BAG3: variants seen among roughly 807,000 people sequenced by gnomAD.
BAG3 encodes the protein BAG family molecular chaperone regulator 3.
In BAG3, 14 loss-of-function variants were observed where a neutral mutation model predicts 40.5. The ratio of observed to expected loss-of-function variants is 0.35; its 90% CI spans 0.23 to 0.54. The LOEUF is 0.54. BAG3 is among the 20% of genes least tolerant of loss of function. BAG3 has a pLI of 0.91. For synonymous variants in BAG3, 302 were observed against 307.8 expected, an observed-to-expected ratio of 0.98 and a Z score of 0.20; for missense variants, 788 against 758.6, an observed-to-expected ratio of 1.04 and a Z score of -0.46.
intron 1 of BAG3, among the ~76,000 whole-genome samples, chr10:119,659,315 G>C (rs1846960386): frequency 6.6e-6 from 1 of 152,224 alleles, no homozygotes; most frequent in Admixed American, 6.5e-5. Context: ...TCCTCAAGGG[G>C]AGGGTCTCCC....
intron 1 of BAG3, among the ~76,000 whole-genome samples, chr10:119,663,693 G>A (rs1333708801): frequency 6.6e-6 from 1 of 152,152 alleles, no homozygotes; most frequent in Non-Finnish European, 1.5e-5. Context: ...GTAGTTAGGA[G>A]TAGTCGTTTT....
intron 3 of BAG3, among the ~76,000 whole-genome samples, chr10:119,675,860 T>C (rs1457372117): frequency 2.8e-5 from 1 of 35,590 alleles, no homozygotes; most frequent in Non-Finnish European, 5.3e-5. Flanking sequence ...CCTGCCCCCT[T>C]CCCCCTTGCC....
At chr10:119,675,778 TCCCCCTCCCTTCCCCCCTTCCCCTTCCCC>T (rs1847212623) in intron 3 of BAG3, among the ~76,000 whole-genome samples, 125 of 61,502 alleles carry the variant, frequency 2.0e-3, no homozygotes, top group East Asian at 3.1e-3. Context: ...CCTCCTTCCC[TCCCCCTCCCTTCCCCCCTTCCCCTTCCCC>T]CCTTCCCTGC....
Position 119,670,743 on chromosome 10 carries a change from A to T in BAG3, c.507+566A>T, listed in dbSNP as rs375919771. 7.2e-5 allele frequency among the ~76,000 whole-genome samples: 11 copies of T among 152,326 alleles called. 2 individuals are homozygous for T. Among genetic ancestry groups the T allele is most frequent in the African/African-American group, 2.6e-4 (11 of 41,570 alleles). Reference sequence around the variant, plus strand: ...GCAGCTGCTTTAAGACAGCATTTTAATCCTGAAGCCAAACATCTCAGGGAT... The same window carrying T: ...GCAGCTGCTTTAAGACAGCATTTTATTCCTGAAGCCAAACATCTCAGGGAT... On this transcript the variant is annotated intron_variant, in intron 2 of 3. Coordinates refer to ENST00000369085, the MANE Select transcript of BAG3 (RefSeq NM_004281.4).
At chr10:119,671,668 C>T (rs1847152117) in intron 2 of BAG3, among the ~76,000 whole-genome samples, 1 of 152,228 alleles carries the variant, frequency 6.6e-6, no homozygotes, top group Non-Finnish European at 1.5e-5. Context: ...GGGAGGGGCA[C>T]TCTTCCTATA....
intron 1 of BAG3, among the ~76,000 whole-genome samples, chr10:119,665,141 T>TTTTTTTTTTCC (rs770421648): frequency 2.2e-4 from 19 of 85,910 alleles, no homozygotes; most frequent in African/African-American, 6.8e-4. Context: ...TATATATATA[T>TTTTTTTTTTCC]ATATTTTTTT....
rs762739256 is a variant in BAG3 at position 119,669,974 on chromosome 10, G to A, written c.304G>A (p.Gly102Ser). The part of the protein sequence containing the change: ...GYIPIPVLHE[G>S]AENRQVHPFH... ...CATTCCCATTCCTGTGCTCCATGAA[G>A]GCGCTGAGAACCGGCAGGTGCACCC... is the stretch of plus-strand genomic sequence containing the variant. The change falls in exon 2 of 4, where the codon GGC becomes AGC. Residue 102 changes from glycine (G) to serine (S), a missense_variant. Transcript: ENST00000369085. 1.9e-6 allele frequency: 3 copies of A among 1,614,228 alleles called. No homozygotes were observed. The highest frequency in any genetic ancestry group is 2.5e-6 in the Non-Finnish European group (3 of 1,180,038).
intron 1 of BAG3, chr10:119,657,383 G>T: frequency 2.8e-6 from 1 of 356,566 alleles, no homozygotes; most frequent in South Asian, 2.1e-5. Flanking sequence ...TTTCTGCTTT[G>T]TCTTGGGGTC....
At chr10:119,667,068 C>T (rs1000124937) in intron 1 of BAG3, among the ~76,000 whole-genome samples, 4 of 152,134 alleles carry the variant, frequency 2.6e-5, no homozygotes, top group Admixed American at 6.5e-5. Flanking sequence ...CCTCTGCCTC[C>T]GGGGTTCAGG....
At chr10:119,659,005 T>C (rs946068538) in intron 1 of BAG3, among the ~76,000 whole-genome samples, 1 of 151,968 alleles carries the variant, frequency 6.6e-6, no homozygotes, top group African/African-American at 2.4e-5. Context: ...AGGCCTGGGG[T>C]CTTGTTTCTT....
chr10:119,676,693 C>G lies in BAG3; in HGVS notation c.1139C>G (p.Pro380Arg). The change falls in exon 4 of 4, where the codon CCT becomes CGT. Residue 380 changes from proline to arginine, a missense_variant. By Grantham distance (103) the Pro-to-Arg change is moderately radical (BLOSUM62 -2). Transcript: ENST00000369085. ...PVPCPPPSPG[P>R]SAVPSSPKSV... ...CCTTGTCCTCCTCCCAGCCCTGGCC[C>G]TTCTGCTGTCCCCTCTTCCCCCAAG... 1 of 1,614,160 alleles carries G rather than the reference C, an allele frequency of 6.2e-7. No homozygotes were observed. Among genetic ancestry groups the G allele is most frequent in the Non-Finnish European group, 8.5e-7 (1 of 1,180,030 alleles).
In BAG3 at chr10:119,672,652, C is replaced by T. The variant is rs201416791; in HGVS notation, c.905C>T (p.Pro302Leu). The change falls in exon 3 of 4, where the codon CCT (proline) becomes CTT (leucine). Residue 302 changes from proline (P) to leucine (L), a missense_variant. Transcript: ENST00000369085. This position sits in a 1 kb window ranked among gnomAD's most constrained non-coding sequence, Gnocchi z 4.8. Reference protein sequence around the residue: ...PIRVHTVVDRPQQPMTHRETA... With the variant: ...PIRVHTVVDRLQQPMTHRETA... ...CGTGTGCACACCGTGGTCGACAGGC[C>T]TCAGGTACGGGAAGTTAGTCGTCAG... The T allele has an allele frequency of 1.9e-6, 3 of 1,613,190 alleles. No individual in the cohort carries two copies. In the East Asian group the frequency reaches 6.7e-5, roughly 36 times the overall value.
In BAG3 at chr10:119,672,978, TCA is replaced by T. The variant is rs1440051602; in HGVS notation, c.909+326_909+327del. 6.6e-6 allele frequency among the ~76,000 whole-genome samples: 1 copy of T among 152,112 alleles called. No homozygotes were observed. Among genetic ancestry groups the T allele is most frequent in the South Asian group, 2.1e-4 (1 of 4,828 alleles). ...GTCCACCACACCCTTTCAGGGCTCT[TCA>T]CACCCCCATCCACACCGCAGCCACA... is the stretch of plus-strand genomic sequence containing the variant. On this transcript the variant is annotated intron_variant, in intron 3 of 3. Coordinates refer to ENST00000369085, the MANE Select transcript of BAG3 (RefSeq NM_004281.4). The surrounding 1 kb of genome is among the most constrained non-coding windows in gnomAD (Gnocchi z 4.8).
Position 119,677,395 on chromosome 10 carries a change from A to G in BAG3, c.*113A>G, listed in dbSNP as rs554678926. Reference sequence around the variant, plus strand: ...GGTTTTTATTAGCTGCTTGGTATGCAGTAACTTGGGTGGAGGCAAAACACT... The same window carrying G: ...GGTTTTTATTAGCTGCTTGGTATGCGGTAACTTGGGTGGAGGCAAAACACT... On this transcript the variant is annotated 3_prime_UTR_variant, in exon 4 of 4. Coordinates refer to ENST00000369085, the MANE Select transcript of BAG3 (RefSeq NM_004281.4). 7.3e-7 allele frequency: 1 copy of G among 1,363,768 alleles called. No homozygotes were observed. The highest frequency in any genetic ancestry group is 1.4e-5 in the African/African-American group (1 of 69,324). The allele number at this position is 1,363,768 out of a possible 1,614,324, so 84.5% of individuals were successfully genotyped here.
chr10:119,677,365 C>T lies in BAG3; in HGVS notation c.*83C>T, dbSNP rs1271816488. On this transcript the variant is annotated 3_prime_UTR_variant, in exon 4 of 4. Coordinates refer to ENST00000369085, the MANE Select transcript of BAG3 (RefSeq NM_004281.4). The stretch of plus-strand genomic sequence containing the variant: ...TGCATGCATTTCAGAGACTTTAAGT[C>T]AGTTGGTTTTTATTAGCTGCTTGGT... 4.5e-6 allele frequency: 7 copies of T among 1,567,806 alleles called. No homozygotes were observed. The highest frequency in any genetic ancestry group is 6.1e-6 in the Non-Finnish European group (7 of 1,148,478).
Position 119,677,187 on chromosome 10 carries a change from C to T in BAG3, c.1633C>T (p.Pro545Ser), listed in dbSNP as rs776485015. The T allele has an allele frequency of 6.2e-7, 1 of 1,614,128 alleles. No homozygotes were observed. The highest frequency in any genetic ancestry group is 1.3e-5 in the African/African-American group (1 of 75,026). The change falls in exon 4 of 4, where the codon CCC becomes TCC. Residue 545 changes from proline to serine, a missense_variant. Coordinates refer to ENST00000369085, the MANE Select transcript of BAG3 (RefSeq NM_004281.4). ...GAAAAATGCTGGAAATGCAGAAGAT[C>T]CCCACACAGAAACCCAGCAGCCAGA... Reference protein sequence around the residue: ...GKKNAGNAEDPHTETQQPEAT... With the variant: ...GKKNAGNAEDSHTETQQPEAT...
At chr10:119,666,423 G>A (rs73351989) in intron 1 of BAG3, among the ~76,000 whole-genome samples, 3,161 of 152,306 alleles carry the variant, frequency 0.021, 106 homozygotes, top group African/African-American at 0.072. Context: ...CTCTGGAAAG[G>A]TTGAATATTG....
intron 1 of BAG3, among the ~76,000 whole-genome samples, chr10:119,652,110 A>C (rs1331386109): frequency 6.6e-5 from 10 of 152,044 alleles, no homozygotes; most frequent in Non-Finnish European, 1.0e-4. Context: ...GCGACCCCGC[A>C]GTGGCTCCGG....
At chr10:119,670,287 AG>A (rs1847131428) in intron 2 of BAG3, 110 bp downstream of exon 2, 1 of 1,230,306 alleles carries the variant, frequency 8.1e-7, no homozygotes, top group Non-Finnish European at 1.1e-6. Context: ...GTTCACATGC[AG>A]GGCATCTGGG....
Sources: gnomAD v4.1 joint callset for allele counts (sites outside exome capture counted in the v4.1 genomes callset) on GRCh38, gnomAD v4.1.1 for gene constraint, Gnocchi (gnomAD v3.1) non-coding constraint, MANE v1.5 for transcripts, NCBI Gene and HGNC (gene_info 2026-07-23, HGNC 2026-07-21) for gene names.